The following SRBD1 variants were observed in gnomAD, a reference collection of about 807,000 sequenced individuals.
SRBD1 encodes the protein S1 RNA-binding domain-containing protein 1.
A neutral mutation model predicts 115.3 loss-of-function variants in SRBD1; 88 were observed. That is an observed-to-expected ratio of 0.76 (90% CI 0.64 to 0.91). SRBD1 has a LOEUF of 0.91. Among genes scored for constraint, SRBD1 ranks in the 40% least tolerant of loss-of-function variants. SRBD1 has a pLI of 0.00. For missense variants in SRBD1, 1,385 were observed against 1,177.4 expected (o/e 1.18, Z -2.58); for synonymous variants, 509 against 407.7 (o/e 1.25, Z -2.99).
chr2:45,604,781 C>T (rs1177024643), intron 2 of SRBD1, among the ~76,000 whole-genome samples: 1 of 152,154 alleles, frequency 6.6e-6, no homozygotes, highest in African/African-American at 2.4e-5. Context: ...GCTCTCTATC[C>T]CCTGCCCTGT....
intron 10 of SRBD1, among the ~76,000 whole-genome samples, 186 bp downstream of exon 10, chr2:45,562,467 C>T (rs1051696639): frequency 3.3e-5 from 5 of 152,122 alleles, no homozygotes; most frequent in Non-Finnish European, 5.9e-5. Context: ...CTCCTGACCT[C>T]GCGATCCACC....
intron 19 of SRBD1, among the ~76,000 whole-genome samples, chr2:45,401,099 T>C (rs777785639): frequency 6.6e-6 from 1 of 152,254 alleles, no homozygotes; most frequent in Middle Eastern, 3.4e-3. Flanking sequence ...CTTTTGAAAA[T>C]ATGAATGTTA....
chr2:45,559,185 C>G (rs543895351), intron 10 of SRBD1, among the ~76,000 whole-genome samples: 2 of 152,200 alleles, frequency 1.3e-5, no homozygotes, highest in Admixed American at 1.3e-4. Context: ...TTGATTCCTT[C>G]CAAATAATTA....
intron 14 of SRBD1, among the ~76,000 whole-genome samples, chr2:45,517,451 CTG>C (rs1431569662): frequency 1.3e-5 from 2 of 152,148 alleles, no homozygotes; most frequent in African/African-American, 4.8e-5. Flanking sequence ...GCAGAAAAAA[CTG>C]TGAAATCCTT....
intron 4 of SRBD1, among the ~76,000 whole-genome samples, chr2:45,595,290 T>C (rs770358421): frequency 6.6e-6 from 1 of 152,226 alleles, no homozygotes; most frequent in Non-Finnish European, 1.5e-5. Flanking sequence ...GAGGACCAAG[T>C]TATCATTGTG....
intron 14 of SRBD1, among the ~76,000 whole-genome samples, chr2:45,521,747 A>C (rs151211918): frequency 2.0e-3 from 297 of 152,206 alleles, no homozygotes; most frequent in African/African-American, 6.8e-3. Context: ...TGGGAGGATC[A>C]CTTGAGCTTA....
chr2:45,503,293 C>G (rs1670693191), intron 14 of SRBD1, among the ~76,000 whole-genome samples: 1 of 152,012 alleles, frequency 6.6e-6, no homozygotes, highest in South Asian at 2.1e-4. Context: ...TCAGATGGGC[C>G]TGAGCTATCA....
At chr2:45,590,036 C>T (rs1409205340) in intron 4 of SRBD1, among the ~76,000 whole-genome samples, 4 of 152,198 alleles carry the variant, frequency 2.6e-5, no homozygotes, top group Non-Finnish European at 5.9e-5. Context: ...TTCCAGGCAG[C>T]TAAACAGGGA....
At position 45,414,685 on chromosome 2, in the gene SRBD1, TAC is replaced by T. The variant is rs199906080; in HGVS notation, c.2334-1394_2334-1393del. Among the ~76,000 whole-genome samples the T allele has an allele frequency of 6.3e-3, 934 of 148,736 alleles. 9 individuals carry two copies. The highest frequency in any genetic ancestry group is 8.1e-3 in the Non-Finnish European group (545 of 67,254). On this transcript the variant is annotated intron_variant, in intron 18 of 20. Coordinates refer to ENST00000263736, the MANE Select transcript of SRBD1 (RefSeq NM_018079.5). ...ACACATAGTGTATATAGTATGTATA[TAC>T]ACACACACATAGTGTGTATATAGTA...
At chr2:45,474,161 TTCTC>T (rs1558419263) in intron 16 of SRBD1, among the ~76,000 whole-genome samples, 1 of 152,334 alleles carries the variant, frequency 6.6e-6, no homozygotes, top group African/African-American at 2.4e-5. Flanking sequence ...ATAATCTCTT[TTCTC>T]TCTATGAATC....
In SRBD1 at chr2:45,400,615, C is replaced by A. The variant is rs139257937; in HGVS notation, c.2514-7486G>T. On this transcript the variant is annotated intron_variant, in intron 19 of 20. Transcript: ENST00000263736. Reference sequence around the variant, plus strand: ...GGGACCAACCATTGTAACTCTCCCCCACTCCCTCCAACTACCCCCATTTCT... The same window carrying A: ...GGGACCAACCATTGTAACTCTCCCCAACTCCCTCCAACTACCCCCATTTCT... Among the ~76,000 whole-genome samples, 5 of 152,070 alleles carry A rather than the reference C, an allele frequency of 3.3e-5. 1 individual carries two copies. Among genetic ancestry groups the A allele is most frequent in the African/African-American group, 9.6e-5 (4 of 41,498 alleles).
At chr2:45,576,837 A>G (rs1259576763) in intron 7 of SRBD1, among the ~76,000 whole-genome samples, 1 of 152,204 alleles carries the variant, frequency 6.6e-6, no homozygotes, top group Non-Finnish European at 1.5e-5. Flanking sequence ...GAAGCAGAGG[A>G]CAGAAGAAAT....
chr2:45,524,984 C>T (rs1671396945), intron 14 of SRBD1, among the ~76,000 whole-genome samples: 1 of 151,960 alleles, frequency 6.6e-6, no homozygotes, highest in South Asian at 2.1e-4. Flanking sequence ...CAAATAAACA[C>T]ACATGTCTAC....
chr2:45,584,500 C>T (rs932593683), intron 5 of SRBD1, among the ~76,000 whole-genome samples: 2 of 152,186 alleles, frequency 1.3e-5, no homozygotes, highest in Non-Finnish European at 2.9e-5. Context: ...AAGTGAGATG[C>T]AAGTTCCCCC....
intron 11 of SRBD1, among the ~76,000 whole-genome samples, chr2:45,552,110 C>CATGG (rs1672319816): frequency 6.6e-6 from 1 of 152,250 alleles, no homozygotes; most frequent in South Asian, 2.1e-4. Flanking sequence ...AAAAATGACA[C>CATGG]ATGGATGAAT....
intron 14 of SRBD1, among the ~76,000 whole-genome samples, chr2:45,492,639 C>T (rs1670333828): frequency 6.6e-6 from 1 of 152,186 alleles, no homozygotes; most frequent in African/African-American, 2.4e-5. Context: ...CGGGGTTTCA[C>T]CATGTTAGCC....
chr2:45,604,172 T>G (rs1572831965), intron 2 of SRBD1, among the ~76,000 whole-genome samples: 1 of 152,068 alleles, frequency 6.6e-6, no homozygotes, highest in South Asian at 2.1e-4. Context: ...TTGCCCGCTA[T>G]AGTCTATTCT....
At chr2:45,416,286 T>C (rs1396616620) in intron 18 of SRBD1, among the ~76,000 whole-genome samples, 1 of 151,896 alleles carries the variant, frequency 6.6e-6, no homozygotes, top group Non-Finnish European at 1.5e-5. Flanking sequence ...AACAGGCATA[T>C]ACAGTAACAT....
chr2:45,439,377 AT>A (rs1668593527), intron 16 of SRBD1, among the ~76,000 whole-genome samples: 3 of 148,814 alleles, frequency 2.0e-5, no homozygotes, highest in Non-Finnish European at 4.4e-5. Flanking sequence ...ATATATATAT[AT>A]AAAACAATTG....
Sources: gnomAD v4.1 joint callset for allele counts (sites outside exome capture counted in the v4.1 genomes callset) on GRCh38, gnomAD v4.1.1 for gene constraint, MANE v1.5 for transcripts, NCBI Gene and HGNC (gene_info 2026-07-23, HGNC 2026-07-21) for gene names.